The following KCNIP1 variants were observed in gnomAD, a reference collection of about 807,000 sequenced individuals.
KCNIP1 encodes potassium voltage-gated channel interacting protein 1.
In KCNIP1, 18 loss-of-function variants were observed where a neutral mutation model predicts 33.0. The observed-to-expected ratio is 0.55, with a 90% CI of 0.38 to 0.81. The LOEUF (loss-of-function observed/expected upper bound fraction) is 0.81, where lower values mean the gene tolerates loss of function less well. Among genes scored for constraint, KCNIP1 ranks in the 30% least tolerant of loss-of-function variants. The pLI is 0.00. For synonymous variants in KCNIP1, 93 were observed against 98.3 expected (o/e 0.95, Z 0.32); for missense variants, 238 against 271.6 (o/e 0.88, Z 0.87).
At chr5:170,597,787 ATATATATATATATATATATATATAT>A (rs1561708564) in intron 1 of KCNIP1, among the ~76,000 whole-genome samples, 1 of 2,056 alleles carries the variant, frequency 4.9e-4, no homozygotes, top group Non-Finnish European at 4.7e-3. Flanking sequence ...AGAGATAAAT[ATATATATATATATATATATATATAT>A]ATATATATAT....
intron 1 of KCNIP1, among the ~76,000 whole-genome samples, chr5:170,651,600 C>A (rs923962920): frequency 1.2e-4 from 18 of 152,170 alleles, no homozygotes; most frequent in Non-Finnish European, 1.8e-4. Context: ...CCGCCACCCC[C>A]CCAGCTGATT....
rs2113898475 is a variant in KCNIP1, at chr5:170,732,886, T to C, written c.522T>C (p.His174=). 1 of 1,611,934 alleles carries C rather than the reference T, an allele frequency of 6.2e-7. No homozygotes were observed. Among genetic ancestry groups the C allele is most frequent in the Non-Finnish European group, 8.5e-7 (1 of 1,178,126 alleles). Residue 174 remains histidine (H), a synonymous_variant, in exon 6 of 8, where the codon CAT becomes CAC. Coordinates refer to ENST00000328939, the MANE Select transcript of KCNIP1 (RefSeq NM_014592.4). ...TCAAAGAGGACACTCCAAGGCAGCA[T>C]GTGGACGTCTTCTTCCAGGTAAGTG... The part of the protein sequence containing the change: ...PVLKEDTPRQ[H]VDVFFQKMDK...
chr5:170,603,521 A>G (rs1758780644), intron 1 of KCNIP1, among the ~76,000 whole-genome samples: 1 of 152,220 alleles, frequency 6.6e-6, no homozygotes, highest in Non-Finnish European at 1.5e-5. Flanking sequence ...ACAGAGCTCA[A>G]AGAGACAGAG....
chr5:170,358,079 C>T (rs781696992), intron 1 of KCNIP1, among the ~76,000 whole-genome samples: 4 of 152,184 alleles, frequency 2.6e-5, no homozygotes, highest in Non-Finnish European at 4.4e-5. Context: ...TCACAGACTT[C>T]CTGGGGGCCG....
At chr5:170,696,840 C>A (rs570640431) in intron 1 of KCNIP1, among the ~76,000 whole-genome samples, 58 of 152,100 alleles carry the variant, frequency 3.8e-4, no homozygotes, top group Non-Finnish European at 3.4e-4. Flanking sequence ...TCATAAAAGA[C>A]CTTCATAAAG....
chr5:170,641,635 C>T (rs1933809440), intron 1 of KCNIP1, among the ~76,000 whole-genome samples: 1 of 152,200 alleles, frequency 6.6e-6, no homozygotes, highest in African/African-American at 2.4e-5. Context: ...CTGGAAAGGG[C>T]CCTAGCCTTG....
At chr5:170,434,646 A>G (rs954254990) in intron 1 of KCNIP1, among the ~76,000 whole-genome samples, 6 of 152,066 alleles carry the variant, frequency 3.9e-5, no homozygotes, top group East Asian at 1.9e-4. Flanking sequence ...TGAGATGACT[A>G]TCACACCTCC....
In KCNIP1 at chr5:170,651,342, C is replaced by T. The variant is rs546411367; in HGVS notation, c.62-67416C>T. Among the ~76,000 whole-genome samples the T allele has an allele frequency of 4.6e-5, 7 of 152,268 alleles. No homozygotes were observed. In the East Asian group the frequency reaches 1.4e-3, roughly 29 times the overall value. On this transcript the variant is annotated intron_variant, in intron 1 of 7. Transcript: ENST00000328939. ...GAGTCCTATCTGTATCAGGGGAAGGCAGGTGGGTTCTAGAACTTTCTAAAT... is the reference window on the plus strand; with the variant it reads ...GAGTCCTATCTGTATCAGGGGAAGGTAGGTGGGTTCTAGAACTTTCTAAAT...
chr5:170,462,275 A>AAAC (rs1554094229), intron 1 of KCNIP1, among the ~76,000 whole-genome samples: 23 of 148,286 alleles, frequency 1.6e-4, no homozygotes, highest in East Asian at 6.0e-4. Context: ...AAAAAAAAAA[A>AAAC]AAAAAAAAAA....
intron 3 of KCNIP1, among the ~76,000 whole-genome samples, chr5:170,720,664 A>T (rs1395240059): frequency 6.6e-6 from 1 of 152,234 alleles, no homozygotes; most frequent in East Asian, 1.9e-4. Flanking sequence ...TTATAATCCC[A>T]GATGGAGTAA....
At chr5:170,407,918 G>T (rs1439315576) in intron 1 of KCNIP1, among the ~76,000 whole-genome samples, 1 of 152,174 alleles carries the variant, frequency 6.6e-6, no homozygotes, top group Non-Finnish European at 1.5e-5. Flanking sequence ...AGCTATAGGG[G>T]TGTCCCTCAA....
At chr5:170,397,163 AT>A (rs2113377168) in intron 1 of KCNIP1, among the ~76,000 whole-genome samples, 1 of 152,286 alleles carries the variant, frequency 6.6e-6, no homozygotes, top group East Asian at 1.9e-4. Context: ...TCCCCTCCCC[AT>A]TATGGCCTGA....
In KCNIP1 at chr5:170,718,787, A is replaced by G. The variant is rs781715532; in HGVS notation, c.91A>G (p.Met31Val). 3 of 1,613,136 alleles carry G rather than the reference A, an allele frequency of 1.9e-6. No homozygotes were observed. In the South Asian group the frequency reaches 3.3e-5, roughly 18 times the overall value. The stretch of plus-strand genomic sequence containing the variant: ...GATTGAAGATGAGCTGGAGATGACC[A>G]TGGTTTGCCATCGGCCCGAGGGACT... ...DKIEDELEMT[M>V]VCHRPEGLEQ... Residue 31 changes from methionine (M) to valine (V), a missense_variant, in exon 2 of 8, where the codon ATG (methionine) becomes GTG (valine). Physicochemically the swap from Met to Val is conservative, Grantham distance 21. Transcript: ENST00000328939.
intron 1 of KCNIP1, among the ~76,000 whole-genome samples, chr5:170,657,400 AGCCCTGCC>A (rs1318161094): frequency 1.3e-5 from 2 of 152,124 alleles, no homozygotes; most frequent in African/African-American, 4.8e-5. Flanking sequence ...TTCAAGTCCC[AGCCCTGCC>A]ACCCATTCCT....
At chr5:170,528,087 A>G (rs1379417366) in intron 1 of KCNIP1, among the ~76,000 whole-genome samples, 1 of 152,120 alleles carries the variant, frequency 6.6e-6, no homozygotes, top group African/African-American at 2.4e-5. Flanking sequence ...TCAAGGATTG[A>G]CTGCAGTAGG....
chr5:170,721,669 A>T (rs1581544242), intron 3 of KCNIP1, 164 bp from the exon 4 acceptor site: 2 of 1,488,696 alleles, frequency 1.3e-6, no homozygotes, highest in East Asian at 4.7e-5. Flanking sequence ...CTTCACACCC[A>T]AACCCAAAGA....
intron 1 of KCNIP1, among the ~76,000 whole-genome samples, chr5:170,575,366 A>G (rs1376635601): frequency 6.6e-6 from 1 of 152,248 alleles, no homozygotes; most frequent in African/African-American, 2.4e-5. Flanking sequence ...AAGTTTAAGC[A>G]GGAAAAATGG....
At chr5:170,562,695 T>A (rs1321227758) in intron 1 of KCNIP1, among the ~76,000 whole-genome samples, 1 of 152,196 alleles carries the variant, frequency 6.6e-6, no homozygotes, top group Admixed American at 6.5e-5. Context: ...CTCCATTTTC[T>A]CATAAAAGCC....
At chr5:170,401,757 C>CAA (rs201537929) in intron 1 of KCNIP1, among the ~76,000 whole-genome samples, 10 of 127,732 alleles carry the variant, frequency 7.8e-5, no homozygotes, top group African/African-American at 1.5e-4. Context: ...GAGACTCTGT[C>CAA]AAAAAAAAAA....
Sources: allele counts gnomAD v4.1 joint callset (sites outside exome capture counted in the v4.1 genomes callset), GRCh38; gene constraint gnomAD v4.1.1; transcripts MANE v1.5; gene names NCBI Gene and HGNC (gene_info 2026-07-23, HGNC 2026-07-21).